Variants in PTPRO observed in about 807,000 individuals in gnomAD.
PTPRO encodes the protein receptor-type tyrosine-protein phosphatase O.
PTPRO carries 62 observed loss-of-function variants against 145.2 expected under a neutral mutation model. That is an observed-to-expected ratio of 0.43 (90% CI 0.35 to 0.53). PTPRO has a LOEUF of 0.53. Ranked by LOEUF, PTPRO falls within the 20% of genes least tolerant of loss-of-function variation. The pLI, the probability that PTPRO is intolerant of heterozygous loss-of-function variation, is 0.01. For synonymous variants in PTPRO, 565 were observed against 514.7 expected, an observed-to-expected ratio of 1.10 and a Z score of -1.32; for missense variants, 1,345 against 1,482.7, an observed-to-expected ratio of 0.91 and a Z score of 1.53.
Position 15,595,044 on chromosome 12 carries a change from C to T in PTPRO, c.*3C>T. ...ACGAGAATGTTAGCAAGTCCTAGTTCAGAATCCGGAGCAGTAAGTGGAGAA... is the reference window on the plus strand; with the variant it reads ...ACGAGAATGTTAGCAAGTCCTAGTTTAGAATCCGGAGCAGTAAGTGGAGAA... On this transcript the variant is annotated 3_prime_UTR_variant, in exon 26 of 27. Coordinates refer to ENST00000281171, the MANE Select transcript of PTPRO (RefSeq NM_030667.3). 6.2e-7 allele frequency: 1 copy of T among 1,608,822 alleles called. No homozygotes were observed. Among genetic ancestry groups the T allele is most frequent in the East Asian group, 2.2e-5 (1 of 44,790 alleles).
intron 12 of PTPRO, among the ~76,000 whole-genome samples, chr12:15,536,053 T>TTAAA (rs33973759): frequency 6.6e-6 from 1 of 152,050 alleles, no homozygotes; most frequent in Non-Finnish European, 1.5e-5. Flanking sequence ...TATACTTTTT[T>TTAAA]AAAAAATTAT....
Position 15,392,400 on chromosome 12 carries a change from T to C in PTPRO, c.75+69599T>C, listed in dbSNP as rs561010014. Among the ~76,000 whole-genome samples, 7 of 152,208 alleles carry C rather than the reference T, an allele frequency of 4.6e-5. No homozygotes were observed. In the South Asian group the frequency reaches 1.0e-3, roughly 23 times the overall value. On this transcript the variant is annotated intron_variant, in intron 1 of 26. Coordinates refer to ENST00000281171, the MANE Select transcript of PTPRO (RefSeq NM_030667.3). The stretch of plus-strand genomic sequence containing the variant: ...TAGCATCATTTTGTGTGCTGGCTAG[T>C]TGGCAGTAGTTAGATAAGCTTTAAA...
At chr12:15,459,921 T>G (rs534064604) in intron 1 of PTPRO, among the ~76,000 whole-genome samples, 22 of 152,234 alleles carry the variant, frequency 1.4e-4, no homozygotes, top group African/African-American at 5.3e-4. Flanking sequence ...CTACCCAGGG[T>G]GTCAAGGAGA....
At chr12:15,572,956 G>A (rs1246605573) in intron 19 of PTPRO, among the ~76,000 whole-genome samples, 1 of 152,198 alleles carries the variant, frequency 6.6e-6, no homozygotes, top group Non-Finnish European at 1.5e-5. Context: ...GCACAATAGA[G>A]AATTGTCCTA....
intron 1 of PTPRO, among the ~76,000 whole-genome samples, chr12:15,431,068 GA>G (rs1290575820): frequency 1.3e-5 from 2 of 152,178 alleles, no homozygotes; most frequent in Non-Finnish European, 2.9e-5. Context: ...TCACTCAGGG[GA>G]CAGAATGGTT....
At chr12:15,546,740 T>C (rs1463843282) in intron 13 of PTPRO, 32 bp downstream of exon 13, 1 of 1,612,862 alleles carries the variant, frequency 6.2e-7, no homozygotes, top group Admixed American at 1.7e-5. Flanking sequence ...CTTTTCTCAG[T>C]TAACTTAAGT....
intron 1 of PTPRO, among the ~76,000 whole-genome samples, chr12:15,479,943 T>G (rs896632061): frequency 6.6e-6 from 1 of 152,236 alleles, no homozygotes; most frequent in African/African-American, 2.4e-5. Flanking sequence ...AGTCTTGGTG[T>G]GCAGGCGGCA....
At chr12:15,338,072 G>C (rs541868060) in intron 1 of PTPRO, among the ~76,000 whole-genome samples, 59 of 152,278 alleles carry the variant, frequency 3.9e-4, no homozygotes, top group African/African-American at 1.3e-3. Context: ...GGTGAAATCT[G>C]TATATGCTCT....
chr12:15,534,420 T>A (rs1943025915), intron 12 of PTPRO, among the ~76,000 whole-genome samples: 1 of 152,216 alleles, frequency 6.6e-6, no homozygotes, highest in South Asian at 2.1e-4. Context: ...TAAGTACTAC[T>A]CAGATGCCAG....
chr12:15,568,921 C>G (rs974478359), intron 18 of PTPRO, among the ~76,000 whole-genome samples: 5 of 152,170 alleles, frequency 3.3e-5, no homozygotes. Context: ...GCTGTTGAAA[C>G]TTACAAAGTT....
intron 13 of PTPRO, among the ~76,000 whole-genome samples, chr12:15,547,540 T>C (rs552719101): frequency 6.6e-6 from 1 of 152,334 alleles, no homozygotes; most frequent in South Asian, 2.1e-4. Flanking sequence ...GTGCAAATCT[T>C]TTCATATTGA....
At chr12:15,332,363 G>T (rs768740788) in intron 1 of PTPRO, among the ~76,000 whole-genome samples, 25 of 152,206 alleles carry the variant, frequency 1.6e-4, no homozygotes, top group Non-Finnish European at 2.8e-4. Context: ...AGGAGAATTT[G>T]CTTGGAAAGC....
At chr12:15,503,216 G>C (rs947578820) in intron 5 of PTPRO, among the ~76,000 whole-genome samples, 1 of 151,922 alleles carries the variant, frequency 6.6e-6, no homozygotes, top group Non-Finnish European at 1.5e-5. Flanking sequence ...TCTCATGAAG[G>C]TTCTATTATG....
At chr12:15,477,362 G>T (rs28671001) in intron 1 of PTPRO, among the ~76,000 whole-genome samples, 1 of 112,564 alleles carries the variant, frequency 8.9e-6, no homozygotes, top group African/African-American at 3.4e-5. Context: ...GGGGAGGGGG[G>T]AGGGGGGAGG....
intron 2 of PTPRO, among the ~76,000 whole-genome samples, chr12:15,487,233 C>A (rs1941907473): frequency 6.6e-6 from 1 of 152,222 alleles, no homozygotes; most frequent in South Asian, 2.1e-4. Context: ...ATTTTTACCC[C>A]TCAAACTACA....
chr12:15,472,997 G>T (rs978856562), intron 1 of PTPRO, among the ~76,000 whole-genome samples: 2 of 152,196 alleles, frequency 1.3e-5, no homozygotes, highest in Non-Finnish European at 2.9e-5. Flanking sequence ...ATCACAGGAA[G>T]GGGACCAGGT....
At position 15,546,752 on chromosome 12, in the gene PTPRO, A is replaced by T. The variant is rs369028175; in HGVS notation, c.2304+44A>T. ...TACCTTTTCTCAGTTAACTTAAGTA[A>T]GGCTAATTATCTGGGCAAAATAAGA... On this transcript the variant is annotated intron_variant, in intron 13 of 26. Transcript: ENST00000281171. The T allele has an allele frequency of 4.3e-4, 685 of 1,609,436 alleles. 5 individuals are homozygous for T. The highest frequency in any genetic ancestry group is 3.3e-3 in the South Asian group (300 of 90,950).
At chr12:15,329,025 G>C (rs1380897977) in intron 1 of PTPRO, among the ~76,000 whole-genome samples, 1 of 152,134 alleles carries the variant, frequency 6.6e-6, no homozygotes, top group Non-Finnish European at 1.5e-5. Context: ...ACTGTTTTCA[G>C]ATAACTGAGA....
intron 1 of PTPRO, among the ~76,000 whole-genome samples, chr12:15,445,428 G>T (rs374576843): frequency 6.6e-6 from 1 of 152,208 alleles, no homozygotes; most frequent in East Asian, 1.9e-4. Context: ...AATAAAGTAC[G>T]TAGCCTTAGA....
Sources: allele counts gnomAD v4.1 joint callset (sites outside exome capture counted in the v4.1 genomes callset), GRCh38; gene constraint gnomAD v4.1.1; transcripts MANE v1.5; gene names NCBI Gene and HGNC (gene_info 2026-07-23, HGNC 2026-07-21).